KLHL1: variants seen among roughly 807,000 people sequenced by gnomAD.
KLHL1 encodes kelch-like protein 1.
Under a neutral mutation model 77.7 loss-of-function variants are expected in KLHL1, and 47 were observed. The observed-to-expected ratio is 0.60, with a 90% CI of 0.48 to 0.77. The LOEUF is 0.77. Among genes scored for constraint, KLHL1 ranks in the 30% least tolerant of loss-of-function variants. The pLI is 0.00. For missense variants in KLHL1, 925 were observed against 910.8 expected (o/e 1.02, Z -0.20); for synonymous variants, 360 against 325.2 (o/e 1.11, Z -1.15).
chr13:70,073,832 CT>C (rs922642043), intron 1 of KLHL1, among the ~76,000 whole-genome samples: 3 of 125,924 alleles, frequency 2.4e-5, no homozygotes, highest in African/African-American at 9.3e-5. Context: ...ACATAATTTT[CT>C]TTTTTTTTTG....
chr13:69,952,612 C>T (rs1883745090), intron 3 of KLHL1, among the ~76,000 whole-genome samples: 1 of 151,324 alleles, frequency 6.6e-6, no homozygotes, highest in South Asian at 2.1e-4. Flanking sequence ...CCAAAGGAAT[C>T]AGTGATCAAG....
At chr13:69,756,811 A>G (rs1411251188) in intron 7 of KLHL1, among the ~76,000 whole-genome samples, 1 of 152,164 alleles carries the variant, frequency 6.6e-6, no homozygotes, top group Non-Finnish European at 1.5e-5. Flanking sequence ...AACCATGAAA[A>G]TAATTCAAAG....
rs562425169 is a variant in KLHL1 at position 69,786,176 on chromosome 13, A to C, written c.1639+10562T>G. Among the ~76,000 whole-genome samples the C allele has an allele frequency of 8.1e-4, 123 of 152,124 alleles. 1 individual carries two copies. The highest frequency in any genetic ancestry group is 1.3e-3 in the Non-Finnish European group (87 of 68,028). ...ATTGTATGAGGCCAGCATCATCCTG[A>C]TACCAAAGCCTGGCACAGACACAAT... is the stretch of plus-strand genomic sequence containing the variant. On this transcript the variant is annotated intron_variant, in intron 7 of 10. Coordinates refer to ENST00000377844, the MANE Select transcript of KLHL1 (RefSeq NM_020866.3).
intron 1 of KLHL1, among the ~76,000 whole-genome samples, chr13:70,015,562 A>G (rs1298224165): frequency 6.6e-6 from 1 of 152,194 alleles, no homozygotes; most frequent in East Asian, 1.9e-4. Context: ...TTGAATACAC[A>G]TATGACTCTT....
At chr13:70,018,281 T>A (rs1283331760) in intron 1 of KLHL1, among the ~76,000 whole-genome samples, 2 of 152,204 alleles carry the variant, frequency 1.3e-5, no homozygotes, top group Non-Finnish European at 2.9e-5. Context: ...AGAAAGTTGA[T>A]AAATGGAAGA....
chr13:69,968,977 T>G (rs558362829), intron 2 of KLHL1, among the ~76,000 whole-genome samples: 3 of 152,284 alleles, frequency 2.0e-5, no homozygotes, highest in South Asian at 4.1e-4. Context: ...TGAATGCACG[T>G]TTTTCCTAAG....
At chr13:69,840,236 T>C (rs558496639) in intron 5 of KLHL1, among the ~76,000 whole-genome samples, 1 of 152,124 alleles carries the variant, frequency 6.6e-6, no homozygotes, top group South Asian at 2.1e-4. Context: ...AGTATAATTT[T>C]TTTTTGAGAC....
At chr13:70,002,997 G>A (rs945019942) in intron 1 of KLHL1, among the ~76,000 whole-genome samples, 3 of 151,500 alleles carry the variant, frequency 2.0e-5, no homozygotes, top group Admixed American at 6.6e-5. Flanking sequence ...TGAGCTTGTA[G>A]ATATGCAAAT....
At position 69,719,413 on chromosome 13, in the gene KLHL1, A is replaced by G. The variant is rs1282165515; in HGVS notation, c.1971T>C (p.Ala657=). 6.2e-7 allele frequency: 1 copy of G among 1,613,608 alleles called. No individual in the cohort carries two copies. Among genetic ancestry groups the G allele is most frequent in the East Asian group, 2.2e-5 (1 of 44,850 alleles). The change falls in exon 9 of 11, where the codon GCT becomes GCC. Residue 657 remains alanine (A), a synonymous_variant. Transcript: ENST00000377844. The part of the protein sequence containing the change: ...GFLYAVGGHD[A]PASNHCSRLL... Reference sequence around the variant, plus strand: ...GCCGGGAACAGTGATTTGAAGCAGGAGCATCATGACCTCCTACTGCATAAA... The same window carrying G: ...GCCGGGAACAGTGATTTGAAGCAGGGGCATCATGACCTCCTACTGCATAAA...
chr13:70,014,844 T>C (rs370119439), intron 1 of KLHL1, among the ~76,000 whole-genome samples: 164 of 152,282 alleles, frequency 1.1e-3, no homozygotes, highest in African/African-American at 3.8e-3. Flanking sequence ...GAAAATGTTA[T>C]GTTAGCTCAC....
intron 3 of KLHL1, among the ~76,000 whole-genome samples, chr13:69,954,541 A>AT: frequency 6.6e-6 from 1 of 151,322 alleles, no homozygotes; most frequent in Middle Eastern, 3.4e-3. Context: ...GACTCAAGAG[A>AT]TTTTTCTTAC....
At chr13:69,939,730 C>A (rs1043215704) in intron 4 of KLHL1, among the ~76,000 whole-genome samples, 29 of 151,546 alleles carry the variant, frequency 1.9e-4, no homozygotes, top group Admixed American at 1.7e-3. Context: ...GGAGCCTATG[C>A]GCCCCTCTCC....
intron 6 of KLHL1, among the ~76,000 whole-genome samples, chr13:69,817,949 G>A (rs1878184903): frequency 1.3e-5 from 2 of 152,076 alleles, no homozygotes; most frequent in African/African-American, 4.8e-5. Context: ...GCAAAATATA[G>A]CTATTAGTCT....
chr13:69,703,370 G>A (rs1437749201), intron 10 of KLHL1, among the ~76,000 whole-genome samples: 1 of 150,928 alleles, frequency 6.6e-6, no homozygotes, highest in Non-Finnish European at 1.5e-5. Context: ...TTATACAGCT[G>A]GACAATGTGT....
intron 5 of KLHL1, among the ~76,000 whole-genome samples, chr13:69,873,006 T>C (rs1244451358): frequency 6.6e-6 from 1 of 152,234 alleles, no homozygotes; most frequent in Non-Finnish European, 1.5e-5. Context: ...TAAAATTATC[T>C]ATGCAGTTTA....
At chr13:70,013,248 T>A (rs898902844) in intron 1 of KLHL1, among the ~76,000 whole-genome samples, 11 of 152,148 alleles carry the variant, frequency 7.2e-5, no homozygotes, top group South Asian at 4.1e-4. Context: ...ATTCTATACA[T>A]TAAAAAAATA....
chr13:69,738,369 C>G (rs970308531), intron 8 of KLHL1, among the ~76,000 whole-genome samples: 1 of 152,042 alleles, frequency 6.6e-6, no homozygotes, highest in Non-Finnish European at 1.5e-5. Flanking sequence ...ATGTCTCCAG[C>G]AAGTGCACAG....
At chr13:70,027,949 G>T (rs1885998501) in intron 1 of KLHL1, among the ~76,000 whole-genome samples, 1 of 152,106 alleles carries the variant, frequency 6.6e-6, no homozygotes, top group Non-Finnish European at 1.5e-5. Context: ...GAGAAAATTT[G>T]AGAGGCCAAA....
chr13:70,088,336 G>T (rs987052140), intron 1 of KLHL1, among the ~76,000 whole-genome samples: 1 of 152,024 alleles, frequency 6.6e-6, no homozygotes. Flanking sequence ...TTCCTCATAG[G>T]AGAGCTTTGA....
Sources: allele counts gnomAD v4.1 joint callset (sites outside exome capture counted in the v4.1 genomes callset), GRCh38; gene constraint gnomAD v4.1.1; transcripts MANE v1.5; gene names NCBI Gene and HGNC (gene_info 2026-07-23, HGNC 2026-07-21).